Variants in DENND1A observed in about 807,000 individuals in gnomAD.
DENND1A encodes DENN domain-containing protein 1A.
Under a neutral mutation model 113.7 loss-of-function variants are expected in DENND1A, and 51 were observed. That is an observed-to-expected ratio of 0.45 (90% confidence interval 0.36 to 0.57). The LOEUF (loss-of-function observed/expected upper bound fraction) is 0.57, where lower values mean the gene tolerates loss of function less well. Among genes scored for constraint, DENND1A ranks in the 20% least tolerant of loss-of-function variants. The pLI, the probability that DENND1A is intolerant of heterozygous loss-of-function variation, is 0.00. For missense variants in DENND1A, 1,258 were observed against 1,395.9 expected (o/e 0.90, Z 1.57); for synonymous variants, 565 against 570.8 (o/e 0.99, Z 0.14).
chr9:123,427,156 T>C (rs1243524157), intron 19 of DENND1A, among the ~76,000 whole-genome samples: 1 of 152,264 alleles, frequency 6.6e-6, no homozygotes, highest in Non-Finnish European at 1.5e-5. Context: ...AGATGCCCTA[T>C]GGCATGATCA....
At chr9:123,752,115 C>T (rs1030876234) in intron 5 of DENND1A, among the ~76,000 whole-genome samples, 5 of 151,096 alleles carry the variant, frequency 3.3e-5, no homozygotes. Context: ...TGGTAAATGA[C>T]AAGAAATACT....
intron 5 of DENND1A, among the ~76,000 whole-genome samples, chr9:123,755,907 G>A (rs185790691): frequency 6.6e-6 from 1 of 152,208 alleles, no homozygotes; most frequent in East Asian, 1.9e-4. Flanking sequence ...GTTTTTGTGG[G>A]TTTTGTGTTG....
chr9:123,482,120 C>CA (rs2050392098), intron 13 of DENND1A, among the ~76,000 whole-genome samples: 1 of 151,798 alleles, frequency 6.6e-6, no homozygotes, highest in Non-Finnish European at 1.5e-5. Context: ...CTTTTTCAGA[C>CA]AGAGTCTCGC....
In DENND1A at chr9:123,514,108, G is replaced by A. The variant is rs1176596834; in HGVS notation, c.993+43462C>T. On this transcript the variant is annotated intron_variant, in intron 13 of 23. Coordinates refer to ENST00000394215, the MANE Select transcript of DENND1A (RefSeq NM_001352964.2). The stretch of plus-strand genomic sequence containing the variant: ...TGTGTGTGTGTGTGTATGTGTGTGT[G>A]TCTGTGTGTGTGTCCATGACACCCA... 2.6e-4 allele frequency among the ~76,000 whole-genome samples: 14 copies of A among 53,970 alleles called. 1 individual carries two copies. In the Admixed American group the frequency reaches 2.9e-3, roughly 11 times the overall value. The allele number at this position is 53,970 out of a possible 152,430, so 35.4% of individuals were successfully genotyped here.
rs1407099608 is a variant in DENND1A, at chr9:123,502,215, C to T, written c.994-44318G>A. On this transcript the variant is annotated intron_variant, in intron 13 of 23. Coordinates refer to ENST00000394215, the MANE Select transcript of DENND1A (RefSeq NM_001352964.2). ...TCTATCTCCTGTTAGTTCTGTCCCT[C>T]TAGAGAACCCTGACTATAATACAGG... Among the ~76,000 whole-genome samples the T allele has an allele frequency of 2.0e-5, 3 of 152,082 alleles. No individual in the cohort carries two copies. The East Asian group carries it at 5.8e-4, about 29-fold the overall frequency.
At chr9:123,796,756 TAC>T (rs370185315) in intron 2 of DENND1A, among the ~76,000 whole-genome samples, 4,856 of 140,874 alleles carry the variant, frequency 0.034, 92 homozygotes, top group African/African-American at 0.063. Context: ...TATGTGTACA[TAC>T]ACACACACAC....
intron 13 of DENND1A, among the ~76,000 whole-genome samples, chr9:123,551,037 C>A (rs770997623): frequency 5.9e-5 from 9 of 152,196 alleles, no homozygotes; most frequent in Non-Finnish European, 1.0e-4. Flanking sequence ...CCTGGGCTGC[C>A]GCTTGACATG....
chr9:123,710,399 G>A (rs2066497556), intron 5 of DENND1A, among the ~76,000 whole-genome samples: 2 of 152,170 alleles, frequency 1.3e-5, no homozygotes, highest in African/African-American at 4.8e-5. Flanking sequence ...ATCCCCACTG[G>A]AGTTTGAATG....
intron 5 of DENND1A, among the ~76,000 whole-genome samples, chr9:123,744,878 C>T (rs1209555527): frequency 1.3e-5 from 2 of 149,656 alleles, no homozygotes; most frequent in Admixed American, 1.3e-4. Context: ...CAGGTTCAAG[C>T]AATTCTTCTG....
intron 13 of DENND1A, among the ~76,000 whole-genome samples, chr9:123,485,057 A>G (rs1164566769): frequency 6.6e-6 from 1 of 151,898 alleles, no homozygotes; most frequent in Non-Finnish European, 1.5e-5. Context: ...CTAGCCTGTC[A>G]CTCTTCCTAG....
At chr9:123,921,969 T>C (rs921907043) in intron 1 of DENND1A, among the ~76,000 whole-genome samples, 3 of 151,780 alleles carry the variant, frequency 2.0e-5, no homozygotes, top group African/African-American at 7.3e-5. Flanking sequence ...TCACCCAGGC[T>C]GGAATGCAGT....
At chr9:123,773,889 A>G (rs1420268277) in intron 3 of DENND1A, among the ~76,000 whole-genome samples, 1 of 152,194 alleles carries the variant, frequency 6.6e-6, no homozygotes, top group Non-Finnish European at 1.5e-5. Context: ...ATTTAAATAA[A>G]GAGAAGAGAT....
rs1554853704 is a variant in DENND1A, at chr9:123,520,147, C to CCAAAA, written c.993+37422_993+37423insTTTTG. On this transcript the variant is annotated intron_variant, in intron 13 of 23. Transcript: ENST00000394215. ...TGGGAAACAGAGCAAGATCCTGTCT[C>CCAAAA]AAAAAAAAAAAAAAAAAAAAAAAAA... Among the ~76,000 whole-genome samples the CCAAAA allele has an allele frequency of 4.0e-4, 15 of 37,310 alleles. 1 individual carries two copies. The highest frequency in any genetic ancestry group is 6.2e-4 in the African/African-American group (8 of 12,806). 24.5% of individuals were successfully genotyped at this position (37,310 alleles called of 152,430 possible). A position where few individuals can be genotyped will look rare whatever the true frequency, so the allele number is the denominator to read the frequency against.
chr9:123,518,572 A>G (rs182680486), intron 13 of DENND1A, among the ~76,000 whole-genome samples: 1 of 152,202 alleles, frequency 6.6e-6, no homozygotes, highest in Admixed American at 6.5e-5. Flanking sequence ...GAACTTTCTT[A>G]TTTGCAAAGG....
chr9:123,623,597 G>T (rs1202399345), intron 10 of DENND1A, among the ~76,000 whole-genome samples: 1 of 152,180 alleles, frequency 6.6e-6, no homozygotes, highest in Admixed American at 6.5e-5. Context: ...CAGCCCATTT[G>T]TACTAAACTG....
intron 5 of DENND1A, among the ~76,000 whole-genome samples, chr9:123,721,287 G>A (rs1180884160): frequency 6.6e-6 from 1 of 152,176 alleles, no homozygotes; most frequent in East Asian, 1.9e-4. Flanking sequence ...GGTCCTTCCA[G>A]CCTCATTTCC....
intron 9 of DENND1A, among the ~76,000 whole-genome samples, chr9:123,639,213 G>A (rs76954191): frequency 0.018 from 2,769 of 151,834 alleles, 80 homozygotes; most frequent in African/African-American, 0.063. Context: ...CAAGGCAGGC[G>A]GATCACTTCA....
chr9:123,555,788 C>T (rs2057381805), intron 13 of DENND1A, among the ~76,000 whole-genome samples: 1 of 152,216 alleles, frequency 6.6e-6, no homozygotes, highest in African/African-American at 2.4e-5. Flanking sequence ...CAACGATAAA[C>T]TCCTCCCGTG....
chr9:123,402,255 C>A (rs1335749645), intron 21 of DENND1A, among the ~76,000 whole-genome samples: 4 of 146,692 alleles, frequency 2.7e-5, no homozygotes, highest in African/African-American at 1.1e-4. Context: ...CACACACACA[C>A]ACACACACGC....
Sources: gnomAD v4.1 joint callset for allele counts (sites outside exome capture counted in the v4.1 genomes callset) on GRCh38, gnomAD v4.1.1 for gene constraint, MANE v1.5 for transcripts, NCBI Gene and HGNC (gene_info 2026-07-23, HGNC 2026-07-21) for gene names.